ACP6: variants seen among roughly 807,000 people sequenced by gnomAD.
The protein encoded by ACP6 is lysophosphatidic acid phosphatase type 6.
Under a neutral mutation model 48.1 loss-of-function variants are expected in ACP6, and 48 were observed. The ratio of observed to expected loss-of-function variants is 1.00; its 90% confidence interval spans 0.79 to 1.27. The LOEUF (loss-of-function observed/expected upper bound fraction) is 1.27, where lower values mean the gene tolerates loss of function less well. Ranked by LOEUF, ACP6 falls within the 50% of genes most tolerant of loss-of-function variation. The probability of loss-of-function intolerance (pLI) is 0.00; values close to 1 mark genes in which losing one functional copy is unlikely to be tolerated. For missense variants in ACP6, 485 were observed against 529.1 expected, an observed-to-expected ratio of 0.92 and a Z score of 0.82; for synonymous variants, 172 against 204.2, an observed-to-expected ratio of 0.84 and a Z score of 1.34.
Position 147,669,828 on chromosome 1 carries a change from A to T in ACP6, c.219+2T>A. The T allele has an allele frequency of 6.3e-7, 1 of 1,578,990 alleles. No homozygotes were observed. Among genetic ancestry groups the T allele is most frequent in the Middle Eastern group, 2.3e-4 (1 of 4,392 alleles). ...CAGCCCCAGCCCGGGCCGACCTCTC[A>T]CCTGCTCCTCCAGCGGGAGCGGCTT... On this transcript the variant is annotated splice_donor_variant, in intron 1 of 9. Coordinates refer to ENST00000583509, the MANE Select transcript of ACP6 (RefSeq NM_016361.5). LOFTEE classifies it high-confidence loss of function.
At chr1:147,660,459 T>C (rs1401493728) in intron 1 of ACP6, among the ~76,000 whole-genome samples, 6 of 152,188 alleles carry the variant, frequency 3.9e-5, no homozygotes, top group African/African-American at 1.4e-4. Flanking sequence ...TCTAATCCCA[T>C]AGACCAGTTC....
At position 147,645,287 on chromosome 1, in the gene ACP6, C is replaced by A. The variant is rs1221361469; in HGVS notation, c.*2136G>T. ...CAGGTTTAGTGGAGACAGGGTTTTG[C>A]CATGTTGGCCAGGCTGGTCTCGAAC... On this transcript the variant is annotated 3_prime_UTR_variant, in exon 10 of 10. Coordinates refer to ENST00000583509, the MANE Select transcript of ACP6 (RefSeq NM_016361.5). 6.6e-6 allele frequency: 1 copy of A among 151,672 alleles called. No individual in the cohort carries two copies. The highest frequency in any genetic ancestry group is 2.4e-5 in the African/African-American group (1 of 41,302). The allele number at this position is 151,672 out of a possible 1,614,324, so 9.4% of individuals were successfully genotyped here.
chr1:147,663,974 A>T (rs1316125335), intron 1 of ACP6, among the ~76,000 whole-genome samples: 1 of 152,192 alleles, frequency 6.6e-6, no homozygotes, highest in Non-Finnish European at 1.5e-5. Context: ...TAACATTTGG[A>T]AACCTACTAT....
At chr1:147,636,496 C>T (rs1182034752) in intron 5 of ACP6, among the ~76,000 whole-genome samples, 3 of 152,096 alleles carry the variant, frequency 2.0e-5, no homozygotes, top group Admixed American at 2.0e-4. Flanking sequence ...AGCAAAGAGA[C>T]AAAGGGACAC....
chr1:147,652,567 A>C lies in ACP6; in HGVS notation c.781-18T>G. 6.2e-7 allele frequency: 1 copy of C among 1,613,950 alleles called. No individual in the cohort carries two copies. The highest frequency in any genetic ancestry group is 8.5e-7 in the Non-Finnish European group (1 of 1,179,988). On this transcript the variant is annotated intron_variant, in intron 6 of 9. Coordinates refer to ENST00000583509, the MANE Select transcript of ACP6 (RefSeq NM_016361.5). ...TTGTGTGCCTGAAAGGGCCACATGT[A>C]GTTTTAGAAAAAAATGCTTCTTACC...
intron 1 of ACP6, among the ~76,000 whole-genome samples, chr1:147,668,885 G>C (rs1325706122): frequency 6.6e-6 from 1 of 152,130 alleles, no homozygotes; most frequent in South Asian, 2.1e-4. Context: ...AATCCTGAAG[G>C]TTTCTAGAAA....
At chr1:147,638,885 C>G (rs1218496106), downstream of ACP6, among the ~76,000 whole-genome samples, 2 of 152,186 alleles carry the variant, frequency 1.3e-5, no homozygotes, top group Non-Finnish European at 2.9e-5. Flanking sequence ...GAGACAGAGT[C>G]TTGCTCTGTC....
intron 5 of ACP6, among the ~76,000 whole-genome samples, chr1:147,633,258 G>A (rs782807735): frequency 1.3e-5 from 2 of 152,242 alleles, no homozygotes; most frequent in Non-Finnish European, 2.9e-5. Flanking sequence ...GTTGAAAACA[G>A]TTATTACTTC....
intron 1 of ACP6, among the ~76,000 whole-genome samples, chr1:147,663,073 G>T (rs1322266311): frequency 6.6e-6 from 1 of 152,178 alleles, no homozygotes; most frequent in African/African-American, 2.4e-5. Context: ...TACATTTTTA[G>T]ACATGCTATT....
At chr1:147,669,290 A>T (rs1660958024) in intron 1 of ACP6, among the ~76,000 whole-genome samples, 1 of 151,952 alleles carries the variant, frequency 6.6e-6, no homozygotes, top group South Asian at 2.1e-4. Flanking sequence ...ACTTCAGGAG[A>T]TCTCAAATGG....
At chr1:147,650,103 G>A (rs782473324) in intron 8 of ACP6, 40 bp downstream of exon 8, 31 of 1,563,526 alleles carry the variant, frequency 2.0e-5, no homozygotes, top group Non-Finnish European at 2.7e-5. Flanking sequence ...AAGTTCCCAC[G>A]GCCCTTAGCT....
chr1:147,653,442 T>C (rs1660068671), intron 6 of ACP6, among the ~76,000 whole-genome samples: 1 of 3,264 alleles, frequency 3.1e-4, no homozygotes, highest in Admixed American at 3.7e-3. Context: ...ATTTTTTAAC[T>C]TAAAAAAAAA....
At chr1:147,630,377 G>A (rs1449792974) in exon 6 of ACP6, 2 of 152,206 alleles carry the variant, frequency 1.3e-5, no homozygotes, top group African/African-American at 4.8e-5. Context: ...TATATCCAGT[G>A]TCCAATTAAT....
chr1:147,649,811 A>T (rs1659823632), intron 8 of ACP6: 1 of 339,708 alleles, frequency 2.9e-6, no homozygotes, highest in South Asian at 3.2e-5. Flanking sequence ...GGTTCAAACT[A>T]CACAATCCAT....
At chr1:147,654,096 A>G in intron 6 of ACP6, 98 bp downstream of exon 6, 1 of 1,537,286 alleles carries the variant, frequency 6.5e-7, no homozygotes, top group Non-Finnish European at 8.7e-7. Context: ...AGTTGCCTTC[A>G]AACCAGGAGG....
At chr1:147,647,766 T>C in intron 9 of ACP6, 200 bp from the exon 10 acceptor site, 1 of 697,824 alleles carries the variant, frequency 1.4e-6, no homozygotes, top group Non-Finnish European at 2.3e-6. Flanking sequence ...CAAAAAGTGT[T>C]GAATTGACTG....
intron 1 of ACP6, among the ~76,000 whole-genome samples, chr1:147,663,587 C>T (rs6593798): frequency 0.19 from 28,722 of 151,876 alleles, 3,100 homozygotes; most frequent in East Asian, 0.28. Flanking sequence ...GAGGTGGGAG[C>T]ATCACTTGAG....
chr1:147,667,128 T>C (rs1283700919), intron 1 of ACP6, among the ~76,000 whole-genome samples: 1 of 152,178 alleles, frequency 6.6e-6, no homozygotes, highest in Non-Finnish European at 1.5e-5. Context: ...TCAAGTTCTA[T>C]ATTTTTATTT....
At chr1:147,640,177 C>T (rs1279070451), downstream of ACP6, among the ~76,000 whole-genome samples, 1 of 152,162 alleles carries the variant, frequency 6.6e-6, no homozygotes, top group Non-Finnish European at 1.5e-5. Context: ...GTATCACCAT[C>T]CTTCCATGTG....
Sources: gnomAD v4.1 joint callset for allele counts (sites outside exome capture counted in the v4.1 genomes callset) on GRCh38, gnomAD v4.1.1 for gene constraint, MANE v1.5 for transcripts, NCBI Gene and HGNC (gene_info 2026-07-23, HGNC 2026-07-21) for gene names.